TRIM28: variants seen among roughly 807,000 people sequenced by gnomAD.
TRIM28 encodes the protein tripartite motif containing 28, also known as transcription intermediary factor 1-beta.
In TRIM28, 8 loss-of-function variants were observed where a neutral mutation model predicts 87.4. The observed-to-expected ratio is 0.09, with a 90% CI of 0.05 to 0.17. The LOEUF (loss-of-function observed/expected upper bound fraction) is 0.17, where lower values mean the gene tolerates loss of function less well. TRIM28 is among the 10% of genes least tolerant of loss of function. TRIM28 has a pLI of 1.00. For synonymous variants in TRIM28, 601 were observed against 454.3 expected (o/e 1.32, Z -4.11); for missense variants, 968 against 1,131.8 (o/e 0.86, Z 2.08).
rs1354033016 is a variant in TRIM28, at chr19:58,545,126, T to G, written c.340+29T>G. 5 of 1,378,888 alleles carry G rather than the reference T, an allele frequency of 3.6e-6. No homozygotes were observed. The South Asian group carries it at 8.0e-5, about 22-fold the overall frequency. 85.4% of individuals were successfully genotyped at this position (1,378,888 alleles called of 1,614,324 possible). ...AGTACGAAGTGATCGGTGCCACCCC[T>G]CCCCCTACTCTCTGCCTTTGATTCC... On this transcript the variant is annotated intron_variant, in intron 1 of 16. Coordinates refer to ENST00000253024, the MANE Select transcript of TRIM28 (RefSeq NM_005762.3).
intron 3 of TRIM28, among the ~76,000 whole-genome samples, chr19:58,546,668 T>G (rs909698173): frequency 2.6e-5 from 4 of 152,194 alleles, no homozygotes; most frequent in African/African-American, 7.2e-5. Flanking sequence ...GGAAGTCAGT[T>G]TCCCCAATGA....
In TRIM28 at chr19:58,545,907, C is replaced by A; in HGVS notation, c.586+11C>A. The A allele has an allele frequency of 6.3e-7, 1 of 1,577,036 alleles. No individual in the cohort carries two copies. The highest frequency in any genetic ancestry group is 1.1e-5 in the South Asian group (1 of 89,710). ...CTGTGCGCTCTACTGGTACATGAGG[C>A]TGAGGGGGGCTGTTGGAGTTGTTCT... On this transcript the variant is annotated intron_variant, in intron 3 of 16. Transcript: ENST00000253024.
chr19:58,550,025 CCTT>C lies in TRIM28; in HGVS notation c.2186_2188del (p.Phe729del), dbSNP rs774716375. The C allele has an allele frequency of 1.4e-5, 22 of 1,614,120 alleles. No homozygotes were observed. The highest frequency in any genetic ancestry group is 2.2e-5 in the East Asian group (1 of 44,888). ...CTGCATCAGCTGGCTACCGACTCCA[CCTT>C]CTCCCTGGTGAGTCCTAGGATGGGA... On this transcript the variant is annotated inframe_deletion, in exon 15 of 17. Coordinates refer to ENST00000253024, the MANE Select transcript of TRIM28 (RefSeq NM_005762.3).
At chr19:58,545,974 C>T (rs574528298) in intron 3 of TRIM28, 78 bp downstream of exon 3, 3 of 1,492,034 alleles carry the variant, frequency 2.0e-6, no homozygotes, top group African/African-American at 2.8e-5. Flanking sequence ...TTGGTTGCAT[C>T]TGGTGGATGG....
chr19:58,547,441 G>C lies in TRIM28; in HGVS notation c.652G>C (p.Val218Leu), dbSNP rs757915232. 1.9e-6 allele frequency: 3 copies of C among 1,613,926 alleles called. No homozygotes were observed. Among genetic ancestry groups the C allele is most frequent in the Non-Finnish European group, 2.5e-6 (3 of 1,180,022 alleles). ...YCNVHKHEPLVLFCESCDTLT... is the reference protein window; with the variant it reads ...YCNVHKHEPLLLFCESCDTLT... ...CAACGTACACAAGCATGAACCCCTTGTGCTGTTTTGTGAGAGCTGTGATAC... is the reference window on the plus strand; with the variant it reads ...CAACGTACACAAGCATGAACCCCTTCTGCTGTTTTGTGAGAGCTGTGATAC... Residue 218 changes from valine (V) to leucine (L), a missense_variant, in exon 4 of 17, where the codon GTG (valine) becomes CTG (leucine). This residue lies in a region of TRIM28 where 103 missense variants were observed against 139.0 expected (regional missense o/e 0.74). Coordinates refer to ENST00000253024, the MANE Select transcript of TRIM28 (RefSeq NM_005762.3).
intron 3 of TRIM28, chr19:58,547,138 GT>G: frequency 1.8e-6 from 1 of 553,804 alleles, no homozygotes; most frequent in Non-Finnish European, 3.2e-6. Flanking sequence ...TTACATTGTT[GT>G]TATCTCTAGA....
At position 58,548,532 on chromosome 19, in the gene TRIM28, A is replaced by C; in HGVS notation, c.1263A>C (p.Ala421=). 2 of 1,613,924 alleles carry C rather than the reference A, an allele frequency of 1.2e-6. No individual in the cohort carries two copies. The highest frequency in any genetic ancestry group is 1.7e-6 in the Non-Finnish European group (2 of 1,179,988). Residue 421 remains alanine (A), a synonymous_variant, in exon 9 of 17, where the codon GCA becomes GCC. Transcript: ENST00000253024. ...ERPGTNSTGP[A]PMAPPRAPGP... ...CTGGCACTAACTCAACAGGCCCTGC[A>C]CCCATGGCCCCTCCAAGAGCCCCAG... is the stretch of plus-strand genomic sequence containing the variant.
At chr19:58,546,978 G>A (rs1306131506) in intron 3 of TRIM28, among the ~76,000 whole-genome samples, 1 of 145,968 alleles carries the variant, frequency 6.9e-6, no homozygotes, top group Non-Finnish European at 1.5e-5. Flanking sequence ...GAAAGGAGAA[G>A]AAAAGGAATC....
In TRIM28 at chr19:58,544,820, C is replaced by T. The variant is rs967128410; in HGVS notation, c.63C>T (p.Gly21=). ...CCTCGGCCGCCTCTGGCAGCCCGGG[C>T]CCGGGCGAGGGCTCCGCTGGCGGCG... ...AAASAASGSP[G]PGEGSAGGEK... The change falls in exon 1 of 17, where the codon GGC becomes GGT. Residue 21 remains glycine, a synonymous_variant. Transcript: ENST00000253024. The T allele has an allele frequency of 1.0e-4, 130 of 1,255,498 alleles. No homozygotes were observed. Among genetic ancestry groups the T allele is most frequent in the Middle Eastern group, 3.1e-4 (1 of 3,214 alleles). 77.8% of individuals were successfully genotyped at this position (1,255,498 alleles called of 1,614,324 possible).
At position 58,548,012 on chromosome 19, in the gene TRIM28, C is replaced by G. The variant is rs77284134; in HGVS notation, c.955-22C>G. The G allele has an allele frequency of 7.7e-5, 125 of 1,614,050 alleles. No individual in the cohort carries two copies. In the East Asian group the frequency reaches 2.5e-3, roughly 33 times the overall value. The stretch of plus-strand genomic sequence containing the variant: ...GTATTCTTCTGCCTTCTCTGCTTAC[C>G]TCATACACCTTCTATCTGCAGAAGG... On this transcript the variant is annotated intron_variant, in intron 6 of 16. Coordinates refer to ENST00000253024, the MANE Select transcript of TRIM28 (RefSeq NM_005762.3).
Position 58,548,919 on chromosome 19 carries a change from G to A in TRIM28, c.1409+9G>A. 1 of 1,614,096 alleles carries A rather than the reference G, an allele frequency of 6.2e-7. No individual in the cohort carries two copies. Among genetic ancestry groups the A allele is most frequent in the Non-Finnish European group, 8.5e-7 (1 of 1,179,996 alleles). On this transcript the variant is annotated intron_variant, in intron 11 of 16. Transcript: ENST00000253024. The stretch of plus-strand genomic sequence containing the variant: ...GTGTCAGGTGTGAAACGGTAAGTAT[G>A]GCACCTCCCCTGGGGGTGAGGTGGA...
rs754757096 is a variant in TRIM28, at chr19:58,548,914, A to T, written c.1409+4A>T. 4.3e-6 allele frequency: 7 copies of T among 1,613,926 alleles called. No homozygotes were observed. In the South Asian group the frequency reaches 4.4e-5, roughly 10 times the overall value. On this transcript the variant is annotated splice_donor_region_variant and intron_variant, in intron 11 of 16. Transcript: ENST00000253024. ...CCCATGTGTCAGGTGTGAAACGGTAAGTATGGCACCTCCCCTGGGGGTGAG... is the reference window on the plus strand; with the variant it reads ...CCCATGTGTCAGGTGTGAAACGGTATGTATGGCACCTCCCCTGGGGGTGAG...
Position 58,547,688 on chromosome 19 carries a change from A to G in TRIM28, c.814A>G (p.Lys272Glu). 8.1e-6 allele frequency: 13 copies of G among 1,614,166 alleles called. No individual in the cohort carries two copies. Among genetic ancestry groups the G allele is most frequent in the Non-Finnish European group, 1.1e-5 (13 of 1,180,038 alleles). The change falls in exon 5 of 17, where the codon AAG becomes GAG. Residue 272 changes from lysine (K) to glutamate (E), a missense_variant. By Grantham distance (56) the Lys-to-Glu change is moderately conservative (BLOSUM62 1). Coordinates refer to ENST00000253024, the MANE Select transcript of TRIM28 (RefSeq NM_005762.3). ...RLGDKHATLQ[K>E]STKEVRSSIR... is the part of the protein sequence containing the mutation. The stretch of plus-strand genomic sequence containing the variant: ...TGGGGACAAACATGCAACATTGCAG[A>G]AGAGCACCAAGGAGGTTCGCAGCTC...
At chr19:58,546,193 C>T (rs568075001) in intron 3 of TRIM28, among the ~76,000 whole-genome samples, 1 of 152,190 alleles carries the variant, frequency 6.6e-6, no homozygotes, top group African/African-American at 2.4e-5. Context: ...GTGAAGGGCT[C>T]AGCATATGCA....
Position 58,548,930 on chromosome 19 carries a change from T to TGGG in TRIM28, c.1409+23_1409+25dup. 1 of 1,613,966 alleles carries TGGG rather than the reference T, an allele frequency of 6.2e-7. No individual in the cohort carries two copies. Among genetic ancestry groups the TGGG allele is most frequent in the Non-Finnish European group, 8.5e-7 (1 of 1,179,960 alleles). ...GAAACGGTAAGTATGGCACCTCCCC[T>TGGG]GGGGGTGAGGTGGATGGAGGGTGGG... is the stretch of plus-strand genomic sequence containing the variant. On this transcript the variant is annotated intron_variant, in intron 11 of 16. Transcript: ENST00000253024.
rs757759868 is a variant in TRIM28 at position 58,548,462 on chromosome 19, T to TA, written c.1217-23dup. 176 of 1,614,036 alleles carry TA rather than the reference T, an allele frequency of 1.1e-4. 1 individual carries two copies. The highest frequency in any genetic ancestry group is 3.7e-4 in the South Asian group (34 of 91,076). On this transcript the variant is annotated intron_variant, in intron 8 of 16. Transcript: ENST00000253024. ...TATTACCCCACGTGCTGCACCTACT[T>TA]ACGTTTCTCTCTTCTTTTTGCAGGC...
rs1431510294 is a variant in TRIM28, at chr19:58,550,678, T to C, written c.*125T>C. 2.0e-6 allele frequency: 2 copies of C among 981,720 alleles called. No individual in the cohort carries two copies. The highest frequency in any genetic ancestry group is 1.7e-5 in the South Asian group (1 of 59,550). The allele number at this position is 981,720 out of a possible 1,614,324, so 60.8% of individuals were successfully genotyped here. A position where few individuals can be genotyped will look rare whatever the true frequency, so the allele number is the denominator to read the frequency against. On this transcript the variant is annotated 3_prime_UTR_variant, in exon 17 of 17. Coordinates refer to ENST00000253024, the MANE Select transcript of TRIM28 (RefSeq NM_005762.3). ...CATCCCCCAGTTCCTCACGATATGG[T>C]TTTTACTTCTGTGGATTTAATAAAA...
intron 7 of TRIM28, 26 bp from the exon 8 acceptor site, chr19:58,548,268 C>G: frequency 1.2e-6 from 2 of 1,613,970 alleles, no homozygotes; most frequent in South Asian, 1.1e-5. Flanking sequence ...TGTGCTCATT[C>G]TTTCCTCCCT....
chr19:58,547,570 C>T, intron 4 of TRIM28, 27 bp from the exon 5 acceptor site: 2 of 1,613,766 alleles, frequency 1.2e-6, no homozygotes, highest in African/African-American at 1.3e-5. Flanking sequence ...TAGCTTAGTG[C>T]TCAGGAACAC....
Sources: gnomAD v4.1 joint callset for allele counts (sites outside exome capture counted in the v4.1 genomes callset) on GRCh38, gnomAD v4.1.1 for gene constraint, gnomAD v4.1.1 regional missense constraint, MANE v1.5 for transcripts, NCBI Gene and HGNC (gene_info 2026-07-23, HGNC 2026-07-21) for gene names.